Variants in PTGER4 observed in about 807,000 individuals in gnomAD.
PTGER4 encodes prostaglandin E2 receptor EP4 subtype.
PTGER4 carries 11 observed loss-of-function variants against 33.2 expected under a neutral mutation model. That is an observed-to-expected ratio of 0.33 (90% confidence interval 0.21 to 0.55). PTGER4 has a LOEUF of 0.55. Ranked by LOEUF, PTGER4 falls within the 20% of genes least tolerant of loss-of-function variation. The pLI is 0.92. For synonymous variants in PTGER4, 275 were observed against 281.5 expected (o/e 0.98, Z 0.23); for missense variants, 481 against 650.2 (o/e 0.74, Z 2.83).
In PTGER4 at chr5:40,691,921, T is replaced by G; in HGVS notation, c.1010T>G (p.Leu337Arg). 6.2e-7 allele frequency: 1 copy of G among 1,614,254 alleles called. No homozygotes were observed. Among genetic ancestry groups the G allele is most frequent in the Non-Finnish European group, 8.5e-7 (1 of 1,180,034 alleles). The change falls in exon 3 of 3, where the codon CTC becomes CGC. Residue 337 changes from leucine (L) to arginine (R), a missense_variant. Leu to Arg is a moderately radical substitution (Grantham distance 102). This residue lies in a region of PTGER4 where 172 missense variants were observed against 199.2 expected (regional missense o/e 0.86). Transcript: ENST00000302472. The surrounding 1 kb of genome is among the most constrained non-coding windows in gnomAD (Gnocchi z 4.2). ...TATATCCTCCTGAGAAAGACAGTGC[T>G]CAGTAAAGCAATAGAGAAGATCAAA... ...WIYILLRKTVLSKAIEKIKCL... is the reference protein window; with the variant it reads ...WIYILLRKTVRSKAIEKIKCL...
the PTGER4 span, among the ~76,000 whole-genome samples, chr5:40,743,715 A>G: frequency 6.6e-6 from 1 of 152,230 alleles, no homozygotes; most frequent in East Asian, 1.9e-4. Flanking sequence ...AGGAGGTTGC[A>G]GTGAGCCAAG....
the PTGER4 span, among the ~76,000 whole-genome samples, chr5:40,704,707 G>GA: frequency 2.0e-5 from 3 of 152,028 alleles, no homozygotes; most frequent in East Asian, 5.8e-4. Context: ...AGCCAAATCA[G>GA]AAAAGCAATC....
Position 40,693,617 on chromosome 5 carries a change from A to G in PTGER4, c.*1239A>G. On this transcript the variant is annotated 3_prime_UTR_variant, in exon 3 of 3. Coordinates refer to ENST00000302472, the MANE Select transcript of PTGER4 (RefSeq NM_000958.3). ...AAATATTAAGCATGTTTTGTTGCTCAGTGTTTTTGTGAATTGCTTGGTTGT... is the reference window on the plus strand; with the variant it reads ...AAATATTAAGCATGTTTTGTTGCTCGGTGTTTTTGTGAATTGCTTGGTTGT... 1 of 985,860 alleles carries G rather than the reference A, an allele frequency of 1.0e-6. No homozygotes were observed. The allele number at this position is 985,860 out of a possible 1,614,324, so 61.1% of individuals were successfully genotyped here.
At chr5:40,709,555 C>T in the PTGER4 span, among the ~76,000 whole-genome samples, 3 of 152,214 alleles carry the variant, frequency 2.0e-5, no homozygotes, top group Admixed American at 6.5e-5. Flanking sequence ...AATGGAAGAA[C>T]ATTCCATGCT....
chr5:40,720,537 A>C, the PTGER4 span, among the ~76,000 whole-genome samples: 1 of 152,236 alleles, frequency 6.6e-6, no homozygotes, highest in African/African-American at 2.4e-5. Context: ...AAGATAGTTT[A>C]AAATCTCCCA....
chr5:40,716,333 T>C, the PTGER4 span: 7 of 1,614,104 alleles, frequency 4.3e-6, no homozygotes, highest in East Asian at 2.2e-5. Context: ...TAGTCTGGAA[T>C]TGACTTTGGT....
At chr5:40,741,849 CGT>C in the PTGER4 span, among the ~76,000 whole-genome samples, 1 of 152,002 alleles carries the variant, frequency 6.6e-6, no homozygotes, top group Non-Finnish European at 1.5e-5. Context: ...ATTAGCCAGG[CGT>C]GGTGGCACAC....
At chr5:40,695,395 T>C (rs147719329), downstream of PTGER4, among the ~76,000 whole-genome samples, 1,181 of 150,990 alleles carry the variant, frequency 7.8e-3, 11 homozygotes, top group African/African-American at 0.026. Context: ...ATATAAAAAT[T>C]AGACAGGCAT....
chr5:40,742,342 A>G, the PTGER4 span, among the ~76,000 whole-genome samples: 8 of 152,154 alleles, frequency 5.3e-5, no homozygotes, highest in South Asian at 6.2e-4. Context: ...ATAATAACTA[A>G]TATTTATTGA....
the PTGER4 span, among the ~76,000 whole-genome samples, chr5:40,714,011 C>T: frequency 6.6e-6 from 1 of 152,134 alleles, no homozygotes; most frequent in African/African-American, 2.4e-5. Context: ...TGTCTTATGT[C>T]TAAACTATTT....
At position 40,693,566 on chromosome 5, in the gene PTGER4, A is replaced by G; in HGVS notation, c.*1188A>G. ...TGTGTAACTCCCAGTGATGCTGTAC[A>G]CATATTTGAAGGGTCTTTCTCAAAG... On this transcript the variant is annotated 3_prime_UTR_variant, in exon 3 of 3. Coordinates refer to ENST00000302472, the MANE Select transcript of PTGER4 (RefSeq NM_000958.3). The G allele has an allele frequency of 1.0e-6, 1 of 985,974 alleles. No homozygotes were observed. Among genetic ancestry groups the G allele is most frequent in the Non-Finnish European group, 1.2e-6 (1 of 829,902 alleles). 61.1% of individuals were successfully genotyped at this position (985,974 alleles called of 1,614,324 possible).
chr5:40,732,850 T>C, the PTGER4 span, among the ~76,000 whole-genome samples: 1 of 152,158 alleles, frequency 6.6e-6, no homozygotes, highest in African/African-American at 2.4e-5. Flanking sequence ...TCAACTGATC[T>C]GCCCGCCTCG....
Position 40,687,206 on chromosome 5 carries a change from C to T in PTGER4, c.868-4573C>T, listed in dbSNP as rs555590281. On this transcript the variant is annotated intron_variant, in intron 2 of 2. Coordinates refer to ENST00000302472, the MANE Select transcript of PTGER4 (RefSeq NM_000958.3). The stretch of plus-strand genomic sequence containing the variant: ...GATTATAGGCATGCACCACCACGCC[C>T]GGCTAATTTTGTATTTTTGGTAGAG... Among the ~76,000 whole-genome samples the T allele has an allele frequency of 5.3e-5, 8 of 152,150 alleles. No homozygotes were observed. The South Asian group carries it at 6.2e-4, about 12-fold the overall frequency.
chr5:40,740,967 ATGTT>A, the PTGER4 span, among the ~76,000 whole-genome samples: 3 of 151,988 alleles, frequency 2.0e-5, no homozygotes, highest in East Asian at 1.9e-4. Flanking sequence ...ACTCCTCATT[ATGTT>A]TGTTTCCCTT....
At chr5:40,719,056 T>C in the PTGER4 span, among the ~76,000 whole-genome samples, 141 of 152,320 alleles carry the variant, frequency 9.3e-4, no homozygotes, top group Middle Eastern at 3.4e-3. Flanking sequence ...CATTAAAAGG[T>C]ATTTTATTCA....
the PTGER4 span, among the ~76,000 whole-genome samples, chr5:40,723,511 T>C: frequency 1.4e-5 from 1 of 69,634 alleles, no homozygotes; most frequent in Admixed American, 1.7e-4. Context: ...CTAACTCAAA[T>C]TAAAAAAAAA....
At chr5:40,698,097 A>C (rs942828362), downstream of PTGER4, among the ~76,000 whole-genome samples, 2 of 124,894 alleles carry the variant, frequency 1.6e-5, no homozygotes, top group Non-Finnish European at 3.5e-5. Flanking sequence ...CTCTACAAAA[A>C]AAAAAAAAAA....
At chr5:40,741,908 G>T in the PTGER4 span, among the ~76,000 whole-genome samples, 2 of 152,074 alleles carry the variant, frequency 1.3e-5, no homozygotes, top group East Asian at 1.9e-4. Context: ...AGAACCGCTT[G>T]AGCCTGGGAG....
the PTGER4 span, among the ~76,000 whole-genome samples, chr5:40,732,110 C>T: frequency 6.6e-6 from 1 of 152,316 alleles, no homozygotes; most frequent in South Asian, 2.1e-4. Context: ...CTCTTGGGCT[C>T]AAGGGCCTCC....
Sources: gnomAD v4.1 joint callset for allele counts (sites outside exome capture counted in the v4.1 genomes callset) on GRCh38, gnomAD v4.1.1 for gene constraint, gnomAD v4.1.1 regional missense constraint, Gnocchi (gnomAD v3.1) non-coding constraint, MANE v1.5 for transcripts, NCBI Gene and HGNC (gene_info 2026-07-23, HGNC 2026-07-21) for gene names.